Variants in MTUS2 observed in about 807,000 individuals in gnomAD.
MTUS2 encodes the protein microtubule-associated tumor suppressor candidate 2.
A neutral mutation model predicts 114.1 loss-of-function variants in MTUS2; 40 were observed. The observed-to-expected ratio is 0.35, with a 90% CI of 0.27 to 0.46. The LOEUF is 0.46. Among genes scored for constraint, MTUS2 ranks in the 20% least tolerant of loss-of-function variants. The pLI, the probability that MTUS2 is intolerant of heterozygous loss-of-function variation, is 1.00. For missense variants in MTUS2, 1,679 were observed against 1,705.4 expected, an observed-to-expected ratio of 0.98 and a Z score of 0.27; for synonymous variants, 688 against 672.0, an observed-to-expected ratio of 1.02 and a Z score of -0.37.
chr13:29,021,262 GTC>G (rs1886279638), intron 2 of MTUS2, among the ~76,000 whole-genome samples: 1 of 152,214 alleles, frequency 6.6e-6, no homozygotes, highest in Non-Finnish European at 1.5e-5. Flanking sequence ...ATGAGATACT[GTC>G]TCAATTTTTT....
chr13:29,431,132 C>G (rs1876961358), intron 8 of MTUS2, among the ~76,000 whole-genome samples: 1 of 152,136 alleles, frequency 6.6e-6, no homozygotes, highest in African/African-American at 2.4e-5. Flanking sequence ...TTAAAGTAAT[C>G]AGTTTCAGAG....
intron 4 of MTUS2, among the ~76,000 whole-genome samples, chr13:29,044,204 G>T (rs935406745): frequency 7.1e-6 from 1 of 141,298 alleles, no homozygotes. Flanking sequence ...AAATATTTTT[G>T]CTTTGTTCAG....
intron 5 of MTUS2, among the ~76,000 whole-genome samples, chr13:29,198,198 T>G (rs1894783276): frequency 6.6e-6 from 1 of 152,226 alleles, no homozygotes; most frequent in African/African-American, 2.4e-5. Flanking sequence ...CTTTTATGGG[T>G]TAAGGTCTTA....
chr13:29,244,538 G>C (rs1362972178), intron 5 of MTUS2, among the ~76,000 whole-genome samples: 2 of 152,122 alleles, frequency 1.3e-5, no homozygotes, highest in Non-Finnish European at 2.9e-5. Context: ...TAAGGTGAGT[G>C]GCATGAACAC....
chr13:29,175,045 A>G (rs531528271), intron 5 of MTUS2, among the ~76,000 whole-genome samples: 10 of 152,312 alleles, frequency 6.6e-5, no homozygotes, highest in African/African-American at 2.4e-4. Flanking sequence ...GGAATATTTA[A>G]GTCTTATACA....
intron 2 of MTUS2, among the ~76,000 whole-genome samples, chr13:28,911,152 G>A (rs1880401883): frequency 2.0e-5 from 3 of 149,330 alleles, no homozygotes; most frequent in Admixed American, 1.3e-4. Flanking sequence ...TGGGATTACA[G>A]GCATGAGCCA....
chr13:29,477,402 G>A (rs1880785118), intron 9 of MTUS2, among the ~76,000 whole-genome samples: 1 of 152,124 alleles, frequency 6.6e-6, no homozygotes, highest in Non-Finnish European at 1.5e-5. Context: ...CTTTTTCTTA[G>A]TTGGAGGGTC....
At chr13:29,497,194 G>C in intron 12 of MTUS2, 44 bp from the exon 13 acceptor site, 1 of 1,558,446 alleles carries the variant, frequency 6.4e-7, no homozygotes. Context: ...GGTGGCTGCT[G>C]TCTGTAGTGG....
chr13:29,091,601 G>A (rs1889954815), intron 4 of MTUS2, among the ~76,000 whole-genome samples: 1 of 152,096 alleles, frequency 6.6e-6, no homozygotes, highest in Non-Finnish European at 1.5e-5. Flanking sequence ...TAGATCTGGA[G>A]CCAATACCTA....
chr13:29,076,945 A>G (rs1889219167), intron 4 of MTUS2, among the ~76,000 whole-genome samples: 1 of 152,176 alleles, frequency 6.6e-6, no homozygotes. Context: ...GGTGTTTATT[A>G]TATGTTAGGC....
chr13:29,186,026 CAT>C (rs771144578), intron 5 of MTUS2, among the ~76,000 whole-genome samples: 22 of 152,096 alleles, frequency 1.4e-4, no homozygotes, highest in Non-Finnish European at 2.8e-4. Flanking sequence ...GCCAAGGAAA[CAT>C]AAAAAGACCT....
chr13:28,985,475 C>A (rs959825595), intron 2 of MTUS2, among the ~76,000 whole-genome samples: 2 of 151,272 alleles, frequency 1.3e-5, no homozygotes, highest in African/African-American at 4.9e-5. Context: ...GTAGCATTGT[C>A]TGTTGTCATT....
At chr13:29,042,535 G>C (rs553342326) in intron 4 of MTUS2, among the ~76,000 whole-genome samples, 4 of 152,180 alleles carry the variant, frequency 2.6e-5, no homozygotes, top group South Asian at 4.2e-4. Context: ...AGTGTCAATA[G>C]GATTTGTACC....
intron 2 of MTUS2, among the ~76,000 whole-genome samples, chr13:29,016,919 TGTAA>T (rs1886090654): frequency 6.6e-6 from 1 of 152,220 alleles, no homozygotes; most frequent in African/African-American, 2.4e-5. Flanking sequence ...ACACTGTACT[TGTAA>T]GTTTCATTTA....
chr13:29,094,523 G>C (rs1314625368), intron 4 of MTUS2, among the ~76,000 whole-genome samples: 1 of 151,962 alleles, frequency 6.6e-6, no homozygotes, highest in Non-Finnish European at 1.5e-5. Flanking sequence ...CAAAATAAGT[G>C]GTGATGTTCC....
At chr13:28,887,201 C>T (rs1343079876) in intron 2 of MTUS2, among the ~76,000 whole-genome samples, 5 of 152,216 alleles carry the variant, frequency 3.3e-5, no homozygotes, top group African/African-American at 1.2e-4. Flanking sequence ...GAACTACTGC[C>T]TTGGGAAGTT....
intron 5 of MTUS2, among the ~76,000 whole-genome samples, chr13:29,158,688 A>G (rs915536500): frequency 1.2e-4 from 19 of 152,236 alleles, no homozygotes; most frequent in Non-Finnish European, 2.1e-4. Context: ...AATGAGAGAA[A>G]AACAAGTCCT....
intron 11 of MTUS2, 175 bp downstream of exon 11, chr13:29,488,180 A>G: frequency 1.7e-6 from 1 of 599,438 alleles, no homozygotes; most frequent in Non-Finnish European, 3.0e-6. Context: ...TTAAGGATCC[A>G]GGTAGTTAGC....
chr13:28,914,612 T>C (rs1470371038), intron 2 of MTUS2, among the ~76,000 whole-genome samples: 1 of 152,010 alleles, frequency 6.6e-6, no homozygotes, highest in African/African-American at 2.4e-5. Flanking sequence ...CCACTTGATC[T>C]AGAGTTGAGT....
Sources: allele counts gnomAD v4.1 joint callset (sites outside exome capture counted in the v4.1 genomes callset), GRCh38; gene constraint gnomAD v4.1.1; transcripts MANE v1.5; gene names NCBI Gene and HGNC (gene_info 2026-07-23, HGNC 2026-07-21).